AK7: variants seen among roughly 807,000 people sequenced by gnomAD.
AK7 encodes the protein ATP-AMP transphosphorylase 7.
AK7 carries 78 observed loss-of-function variants against 96.6 expected under a neutral mutation model. The ratio of observed to expected loss-of-function variants is 0.81; its 90% CI spans 0.67 to 0.97. The LOEUF (loss-of-function observed/expected upper bound fraction) is 0.97. Ranked by LOEUF, AK7 falls within the 50% of genes least tolerant of loss-of-function variation. The pLI, the probability that AK7 is intolerant of heterozygous loss-of-function variation, is 0.00. For missense variants in AK7, 855 were observed against 887.9 expected (o/e 0.96, Z 0.47); for synonymous variants, 302 against 317.2 (o/e 0.95, Z 0.51).
At chr14:96,467,317 A>G (rs1469539065) in intron 12 of AK7, among the ~76,000 whole-genome samples, 1 of 146,782 alleles carries the variant, frequency 6.8e-6, no homozygotes, top group African/African-American at 2.5e-5. Flanking sequence ...TCCAAGAGCC[A>G]TCTTTTGCTG....
At chr14:96,392,817 C>A (rs1889835333) in intron 1 of AK7, among the ~76,000 whole-genome samples, 1 of 151,854 alleles carries the variant, frequency 6.6e-6, no homozygotes, top group Non-Finnish European at 1.5e-5. Flanking sequence ...CGCCCGACAC[C>A]GCGCCCGGCT....
At chr14:96,463,433 A>G (rs1307099706) in intron 12 of AK7, among the ~76,000 whole-genome samples, 1 of 151,792 alleles carries the variant, frequency 6.6e-6, no homozygotes, top group African/African-American at 2.4e-5. Context: ...ATAATAAGAG[A>G]GAGGAGCCGG....
intron 1 of AK7, among the ~76,000 whole-genome samples, chr14:96,396,460 A>G (rs950904546): frequency 4.6e-5 from 7 of 152,348 alleles, no homozygotes; most frequent in African/African-American, 1.7e-4. Context: ...GGATAATAAA[A>G]TTGAATATGT....
intron 4 of AK7, among the ~76,000 whole-genome samples, chr14:96,409,166 A>G (rs1020029382): frequency 3.3e-5 from 5 of 152,334 alleles, no homozygotes; most frequent in African/African-American, 2.4e-5. Context: ...CTATGAAACT[A>G]TAGCAAAGCT....
chr14:96,488,212 C>G (rs1048834458), intron 17 of AK7, 93 bp from the exon 18 acceptor site: 3 of 1,265,542 alleles, frequency 2.4e-6, no homozygotes, highest in Non-Finnish European at 3.4e-6. Context: ...CAAGCTTGGC[C>G]CAGGATGATT....
At chr14:96,405,011 A>G (rs1034305036) in intron 3 of AK7, 146 bp downstream of exon 3, 12 of 433,194 alleles carry the variant, frequency 2.8e-5, no homozygotes, top group African/African-American at 1.8e-4. Flanking sequence ...CATGATAATA[A>G]TATGGATAGA....
Position 96,488,393 on chromosome 14 carries a change from A to C in AK7, c.*50A>C. On this transcript the variant is annotated 3_prime_UTR_variant, in exon 18 of 18. Transcript: ENST00000267584. ...ACCTTTACAGAACCACAGATCACTT[A>C]TTATACTTTGAAAAATTGCTTTGAA... 1 of 1,516,026 alleles carries C rather than the reference A, an allele frequency of 6.6e-7. No individual in the cohort carries two copies. Among genetic ancestry groups the C allele is most frequent in the Non-Finnish European group, 8.9e-7 (1 of 1,119,796 alleles). The allele number at this position is 1,516,026 out of a possible 1,614,324, so 93.9% of individuals were successfully genotyped here.
intron 16 of AK7, among the ~76,000 whole-genome samples, chr14:96,486,578 TGAGCA>T (rs1895782337): frequency 6.6e-6 from 1 of 151,554 alleles, no homozygotes; most frequent in Admixed American, 6.6e-5. Flanking sequence ...GGCTGTATGC[TGAGCA>T]AAGAATTGCA....
Position 96,449,895 on chromosome 14 carries a change from GT to G in AK7, c.948+29del, listed in dbSNP as rs11424079. On this transcript the variant is annotated intron_variant, in intron 9 of 17. Coordinates refer to ENST00000267584, the MANE Select transcript of AK7 (RefSeq NM_152327.5). Reference sequence around the variant, plus strand: ...GGACTTAACGGTTAGTATATGCGGTGTTTTTTTTTTTTTAACTATCTTTCTC... The same window carrying G: ...GGACTTAACGGTTAGTATATGCGGTGTTTTTTTTTTTTAACTATCTTTCTC... 4.8e-3 allele frequency: 5,744 copies of G among 1,207,066 alleles called. 2 individuals carry two copies. The highest frequency in any genetic ancestry group is 8.5e-3 in the South Asian group (583 of 68,534). The allele number at this position is 1,207,066 out of a possible 1,614,324, so 74.8% of individuals were successfully genotyped here. A position where few individuals can be genotyped will look rare whatever the true frequency, so the allele number is the denominator to read the frequency against.
chr14:96,478,340 A>G lies in AK7; in HGVS notation c.1556-125A>G, dbSNP rs532773295. ...TCCTCCATGAGAGGCAGCAAAGCCAATTGGACAGGCTATTTGTGGCAACAG... is the reference window on the plus strand; with the variant it reads ...TCCTCCATGAGAGGCAGCAAAGCCAGTTGGACAGGCTATTTGTGGCAACAG... On this transcript the variant is annotated intron_variant, in intron 14 of 17. Transcript: ENST00000267584. 1.3e-4 allele frequency: 123 copies of G among 926,714 alleles called. No homozygotes were observed. In the Middle Eastern group the frequency reaches 2.2e-3, roughly 17 times the overall value. The allele number at this position is 926,714 out of a possible 1,614,324, so 57.4% of individuals were successfully genotyped here. A position where few individuals can be genotyped will look rare whatever the true frequency, so the allele number is the denominator to read the frequency against.
chr14:96,424,230 G>A lies in AK7; in HGVS notation c.609+3298G>A, dbSNP rs1454910198. The A allele has an allele frequency of 1.1e-5, 5 of 461,872 alleles. No homozygotes were observed. The Admixed American group carries it at 1.2e-4, about 11-fold the overall frequency. 28.6% of individuals were successfully genotyped at this position (461,872 alleles called of 1,614,324 possible). On this transcript the variant is annotated intron_variant, in intron 5 of 17. Transcript: ENST00000267584. ...GTTCACCCGCGTGGCGGGGCCGAGC[G>A]GAGCGCGCAGCCGGGAGTGCCGCGG...
intron 4 of AK7, among the ~76,000 whole-genome samples, chr14:96,417,076 G>A (rs999222198): frequency 6.6e-6 from 1 of 152,208 alleles, no homozygotes; most frequent in Non-Finnish European, 1.5e-5. Context: ...GAAGAGGGGT[G>A]TTGGGCCAGT....
intron 10 of AK7, among the ~76,000 whole-genome samples, chr14:96,453,644 G>A (rs1893730974): frequency 6.6e-6 from 1 of 152,182 alleles, no homozygotes; most frequent in Non-Finnish European, 1.5e-5. Context: ...AGCTCATCAA[G>A]CAGCCTTATA....
At position 96,488,411 on chromosome 14, in the gene AK7, G is replaced by C; in HGVS notation, c.*68G>C. The C allele has an allele frequency of 1.4e-6, 2 of 1,428,248 alleles. No homozygotes were observed. The highest frequency in any genetic ancestry group is 1.9e-6 in the Non-Finnish European group (2 of 1,050,064). 88.5% of individuals were successfully genotyped at this position (1,428,248 alleles called of 1,614,324 possible). A position where few individuals can be genotyped will look rare whatever the true frequency, so the allele number is the denominator to read the frequency against. Reference sequence around the variant, plus strand: ...ATCACTTATTATACTTTGAAAAATTGCTTTGAAAAATGCTTTTCCAGTTCT... The same window carrying C: ...ATCACTTATTATACTTTGAAAAATTCCTTTGAAAAATGCTTTTCCAGTTCT... On this transcript the variant is annotated 3_prime_UTR_variant, in exon 18 of 18. Coordinates refer to ENST00000267584, the MANE Select transcript of AK7 (RefSeq NM_152327.5).
chr14:96,466,891 AT>A (rs1199655150), intron 12 of AK7, among the ~76,000 whole-genome samples: 5 of 151,990 alleles, frequency 3.3e-5, no homozygotes, highest in Non-Finnish European at 5.9e-5. Context: ...GATTTATGGT[AT>A]TTTTTTTCTA....
chr14:96,417,100 G>GA (rs1891390527), intron 4 of AK7, among the ~76,000 whole-genome samples: 1 of 152,214 alleles, frequency 6.6e-6, no homozygotes, highest in Non-Finnish European at 1.5e-5. Context: ...AGGGAGCAAG[G>GA]AGGGTGGGTT....
intron 4 of AK7, among the ~76,000 whole-genome samples, chr14:96,416,601 A>G (rs1891363597): frequency 6.6e-6 from 1 of 152,204 alleles, no homozygotes; most frequent in Admixed American, 6.5e-5. Flanking sequence ...TATATAATAT[A>G]ACAATGAAAG....
At chr14:96,412,688 C>T (rs1891108640) in intron 4 of AK7, among the ~76,000 whole-genome samples, 2 of 152,010 alleles carry the variant, frequency 1.3e-5, no homozygotes, top group South Asian at 4.2e-4. Context: ...GCCTCAGCCT[C>T]CCAAGTAGCT....
chr14:96,447,061 G>T (rs1296541124), intron 8 of AK7, among the ~76,000 whole-genome samples: 2 of 152,184 alleles, frequency 1.3e-5, no homozygotes, highest in Non-Finnish European at 2.9e-5. Flanking sequence ...CTCACTATCT[G>T]CATTTGCAGT....
Sources: gnomAD v4.1 joint callset for allele counts (sites outside exome capture counted in the v4.1 genomes callset) on GRCh38, gnomAD v4.1.1 for gene constraint, MANE v1.5 for transcripts, NCBI Gene and HGNC (gene_info 2026-07-23, HGNC 2026-07-21) for gene names.